MGMT: variants seen among roughly 807,000 people sequenced by gnomAD.
The protein encoded by MGMT is O-6-methylguanine-DNA methyltransferase, also known as methylated-DNA--protein-cysteine methyltransferase.
A neutral mutation model predicts 15.9 loss-of-function variants in MGMT; 14 were observed. The ratio of observed to expected loss-of-function variants is 0.88; its 90% CI spans 0.58 to 1.37. The LOEUF (loss-of-function observed/expected upper bound fraction) is 1.37, where lower values mean the gene tolerates loss of function less well. Ranked by LOEUF, MGMT falls within the 40% of genes most tolerant of loss-of-function variation. The pLI is 0.00. For missense variants in MGMT, 282 were observed against 268.1 expected (o/e 1.05, Z -0.36); for synonymous variants, 130 against 118.2 (o/e 1.10, Z -0.65).
At chr10:129,715,455 C>T (rs981227121) in intron 3 of MGMT, 1 of 152,164 alleles carries the variant, frequency 6.6e-6, no homozygotes, top group Non-Finnish European at 1.5e-5. Flanking sequence ...AATTTTCTCT[C>T]TGTTTTAAAG....
intron 3 of MGMT, among the ~76,000 whole-genome samples, chr10:129,746,670 C>T (rs1848699579): frequency 6.6e-6 from 1 of 152,154 alleles, no homozygotes; most frequent in African/African-American, 2.4e-5. Context: ...TCTGTTAACT[C>T]CATCCAGTAA....
intron 2 of MGMT, among the ~76,000 whole-genome samples, chr10:129,605,578 T>TA (rs145308518): frequency 1.9e-4 from 29 of 151,232 alleles, no homozygotes; most frequent in African/African-American, 3.2e-4. Context: ...GGATCATATT[T>TA]AAAAAAAAAC....
rs1167036777 is a variant in MGMT, at chr10:129,718,897, G to A, written c.274+10854G>A. ...TTCTGCTCAGGCATGTCACCTTCCC[G>A]GGATGTCTAGAGCTAGTTCGTTTGC... On this transcript the variant is annotated intron_variant, in intron 3 of 4. Transcript: ENST00000651593. Among the ~76,000 whole-genome samples the A allele has an allele frequency of 5.3e-5, 8 of 152,004 alleles. No homozygotes were observed. In the East Asian group the frequency reaches 7.8e-4, roughly 15 times the overall value.
At chr10:129,640,097 C>CTT (rs539701974) in intron 2 of MGMT, among the ~76,000 whole-genome samples, 6 of 139,474 alleles carry the variant, frequency 4.3e-5, no homozygotes, top group Admixed American at 7.2e-5. Flanking sequence ...AAATGAATAA[C>CTT]TTTTTTTTTT....
chr10:129,689,253 A>G (rs1176554343), intron 2 of MGMT, among the ~76,000 whole-genome samples: 3 of 152,204 alleles, frequency 2.0e-5, no homozygotes, highest in South Asian at 2.1e-4. Flanking sequence ...GTTTCTTACA[A>G]TATTCAACAG....
At chr10:129,637,988 C>G in intron 2 of MGMT, among the ~76,000 whole-genome samples, 1 of 152,294 alleles carries the variant, frequency 6.6e-6, no homozygotes, top group South Asian at 2.1e-4. Context: ...GCCTTGCACT[C>G]GCGGGAGAGT....
intron 2 of MGMT, among the ~76,000 whole-genome samples, chr10:129,562,545 C>T (rs1436991231): frequency 6.6e-6 from 1 of 152,226 alleles, no homozygotes; most frequent in Non-Finnish European, 1.5e-5. Flanking sequence ...TTGCATGTGT[C>T]AGGCAGACTG....
intron 2 of MGMT, among the ~76,000 whole-genome samples, chr10:129,609,101 A>C (rs1346168270): frequency 6.6e-6 from 1 of 152,156 alleles, no homozygotes; most frequent in African/African-American, 2.4e-5. Context: ...CAGGTGATGC[A>C]GGGAGGGGCA....
At chr10:129,514,703 A>G (rs1304960345) in intron 1 of MGMT, among the ~76,000 whole-genome samples, 4 of 152,162 alleles carry the variant, frequency 2.6e-5, no homozygotes, top group African/African-American at 9.7e-5. Flanking sequence ...AAAGAGGTAG[A>G]GCCCTCGACG....
intron 2 of MGMT, among the ~76,000 whole-genome samples, chr10:129,661,506 TTC>T (rs1183640772): frequency 6.6e-6 from 1 of 152,228 alleles, no homozygotes; most frequent in Non-Finnish European, 1.5e-5. Flanking sequence ...TTGTGCAACT[TTC>T]TGTGTTTATT....
intron 3 of MGMT, among the ~76,000 whole-genome samples, chr10:129,738,207 C>T (rs988521064): frequency 5.3e-5 from 8 of 152,332 alleles, no homozygotes; most frequent in African/African-American, 1.9e-4. Flanking sequence ...ATCAGCGAGA[C>T]TCCGTGGGCA....
chr10:129,745,627 T>C (rs573828877), intron 3 of MGMT, among the ~76,000 whole-genome samples: 1 of 152,362 alleles, frequency 6.6e-6, no homozygotes, highest in African/African-American at 2.4e-5. Flanking sequence ...TATATCTCCA[T>C]TGATCTGTTT....
intron 1 of MGMT, among the ~76,000 whole-genome samples, chr10:129,508,944 G>T (rs935823818): frequency 6.6e-6 from 1 of 152,130 alleles, no homozygotes; most frequent in Non-Finnish European, 1.5e-5. Context: ...TCATGAACAA[G>T]GTTTGTGGAT....
intron 2 of MGMT, among the ~76,000 whole-genome samples, chr10:129,657,884 C>CA (rs1177044529): frequency 1.3e-5 from 2 of 152,126 alleles, no homozygotes; most frequent in Non-Finnish European, 2.9e-5. Context: ...GAGGAGCCCC[C>CA]ATCCCATGAG....
At chr10:129,561,897 A>G (rs1205100761) in intron 2 of MGMT, among the ~76,000 whole-genome samples, 1 of 152,210 alleles carries the variant, frequency 6.6e-6, no homozygotes, top group Admixed American at 6.5e-5. Context: ...AAAGTTTTCT[A>G]CTTCATTAGC....
intron 2 of MGMT, among the ~76,000 whole-genome samples, chr10:129,652,337 AGT>A (rs1385127278): frequency 6.6e-6 from 1 of 152,098 alleles, no homozygotes; most frequent in African/African-American, 2.4e-5. Context: ...TGGAGGGAAA[AGT>A]GTCTTTGACA....
At chr10:129,709,019 C>A (rs1003919931) in intron 3 of MGMT, among the ~76,000 whole-genome samples, 2 of 152,132 alleles carry the variant, frequency 1.3e-5, no homozygotes, top group African/African-American at 2.4e-5. Flanking sequence ...GTCAGACAGG[C>A]GAACATATGA....
rs562169441 is a variant in MGMT at position 129,540,041 on chromosome 10, G to A, written c.125+3664G>A. On this transcript the variant is annotated intron_variant, in intron 2 of 4. Transcript: ENST00000651593. ...TGTTCAGTTCTTGGCTTTGACTGGC[G>A]TCTGCATTTGTTTGGGTTCTTTCAT... 1.4e-4 allele frequency among the ~76,000 whole-genome samples: 22 copies of A among 152,290 alleles called. No individual in the cohort carries two copies. In the South Asian group the frequency reaches 3.3e-3, roughly 23 times the overall value.
At position 129,528,657 on chromosome 10, in the gene MGMT, C is replaced by G. The variant is rs182291814; in HGVS notation, c.-12-7584C>G. Among the ~76,000 whole-genome samples the G allele has an allele frequency of 4.7e-3, 700 of 150,528 alleles. 6 individuals carry two copies. Among genetic ancestry groups the G allele is most frequent in the African/African-American group, 0.016 (659 of 40,970 alleles). ...CGTGTGGAGACTAGCCATGGAGAAC[C>G]GTGGTGGCGGAGTGGCCGTGGAGAG... On this transcript the variant is annotated intron_variant, in intron 1 of 4. Transcript: ENST00000651593.
Sources: allele counts gnomAD v4.1 joint callset (sites outside exome capture counted in the v4.1 genomes callset), GRCh38; gene constraint gnomAD v4.1.1; transcripts MANE v1.5; gene names NCBI Gene and HGNC (gene_info 2026-07-23, HGNC 2026-07-21).